Variants in ADAMTS16 observed in about 807,000 individuals in gnomAD.
ADAMTS16 encodes A disintegrin and metalloproteinase with thrombospondin motifs 16.
In ADAMTS16, 94 loss-of-function variants were observed where a neutral mutation model predicts 145.8. That is an observed-to-expected ratio of 0.64 (90% CI 0.55 to 0.77). ADAMTS16 has a LOEUF of 0.77. ADAMTS16 is among the 30% of genes least tolerant of loss of function. The pLI, the probability that ADAMTS16 is intolerant of heterozygous loss-of-function variation, is 0.00. For synonymous variants in ADAMTS16, 659 were observed against 604.3 expected (o/e 1.09, Z -1.33); for missense variants, 1,585 against 1,591.5 (o/e 1.00, Z 0.07).
chr5:5,176,406 T>C (rs942789358), intron 3 of ADAMTS16, among the ~76,000 whole-genome samples: 1 of 152,220 alleles, frequency 6.6e-6, no homozygotes, highest in Admixed American at 6.5e-5. Flanking sequence ...ATCTAAGCTC[T>C]AATCAAAAAT....
chr5:5,245,331 AG>A (rs1737407875), intron 17 of ADAMTS16, among the ~76,000 whole-genome samples: 1 of 152,152 alleles, frequency 6.6e-6, no homozygotes, highest in African/African-American at 2.4e-5. Context: ...TCTCATTCTC[AG>A]TTTTTCAATT....
Position 5,299,361 on chromosome 5 carries a change from G to A in ADAMTS16, c.2790-3907G>A, listed in dbSNP as rs927615720. Among the ~76,000 whole-genome samples, 4 of 149,922 alleles carry A rather than the reference G, an allele frequency of 2.7e-5. 1 individual carries two copies. Among genetic ancestry groups the A allele is most frequent in the East Asian group, 1.9e-4 (1 of 5,162 alleles). On this transcript the variant is annotated intron_variant, in intron 18 of 22. Transcript: ENST00000274181. The stretch of plus-strand genomic sequence containing the variant: ...GGCTTGGCCCTAGGCAGCAGCTCGG[G>A]CCCAGACCAGGGCTGGCCTCTGCAT...
Position 5,310,019 on chromosome 5 carries a change from A to AGAATTTTG in ADAMTS16, c.3411+3291_3411+3292insGAATTTTG, listed in dbSNP as rs1478592749. Among the ~76,000 whole-genome samples the AGAATTTTG allele has an allele frequency of 1.4e-4, 22 of 152,070 alleles. No homozygotes were observed. Among genetic ancestry groups the AGAATTTTG allele is most frequent in the Non-Finnish European group, 2.9e-4 (20 of 68,024 alleles). ...AAGGATTGAAGAATTCCTGAGACTG[A>AGAATTTTG]CCTGCCAGTGGGGCAAAACCCACCA... On this transcript the variant is annotated intron_variant, in intron 21 of 22. Transcript: ENST00000274181. The surrounding 1 kb of genome is among the most constrained non-coding windows in gnomAD (Gnocchi z 4.3).
chr5:5,235,052 G>T lies in ADAMTS16; in HGVS notation c.1889G>T (p.Arg630Leu), dbSNP rs377507889. The T allele has an allele frequency of 1.3e-6, 2 of 1,595,894 alleles. No homozygotes were observed. Among genetic ancestry groups the T allele is most frequent in the Admixed American group, 1.7e-5 (1 of 59,580 alleles). Residue 630 changes from arginine to leucine, a missense_variant, in exon 13 of 23, where the codon CGC becomes CTC. By Grantham distance (102) the Arg-to-Leu change is moderately radical. This residue lies in a region of ADAMTS16 where 834 missense variants were observed against 811.7 expected (regional missense o/e 1.03). Transcript: ENST00000274181. ...HGGKFCEGSTRTLKLCNSQKC... is the reference protein window; with the variant it reads ...HGGKFCEGSTLTLKLCNSQKC... ...GGGAAGTTCTGTGAGGGCTCCACTC[G>T]CACTCTGAAGCTCTGCAACAGTCAG... is the stretch of plus-strand genomic sequence containing the variant.
At chr5:5,229,273 C>G (rs1394380516) in intron 11 of ADAMTS16, among the ~76,000 whole-genome samples, 1 of 137,900 alleles carries the variant, frequency 7.3e-6, no homozygotes, top group Non-Finnish European at 1.5e-5. Context: ...AGTCCGCAGT[C>G]CGGCCTGGGC....
intron 11 of ADAMTS16, among the ~76,000 whole-genome samples, chr5:5,228,765 C>G (rs962282158): frequency 6.6e-6 from 1 of 152,158 alleles, no homozygotes; most frequent in South Asian, 2.1e-4. Flanking sequence ...AAAATTTATT[C>G]AAGACCCGTG....
chr5:5,227,093 C>G (rs10512773), intron 11 of ADAMTS16, among the ~76,000 whole-genome samples: 19,287 of 152,328 alleles, frequency 0.13, 1,231 homozygotes, highest in East Asian at 0.17. Flanking sequence ...CTGGTAGTTT[C>G]TATCATCGCT....
chr5:5,231,380 C>A (rs1736917835), intron 11 of ADAMTS16, among the ~76,000 whole-genome samples: 1 of 152,108 alleles, frequency 6.6e-6, no homozygotes, highest in Admixed American at 6.5e-5. Flanking sequence ...ATATGTGTTA[C>A]CCTAATACCT....
chr5:5,213,747 G>C (rs547753568), intron 10 of ADAMTS16, among the ~76,000 whole-genome samples: 1 of 152,196 alleles, frequency 6.6e-6, no homozygotes, highest in South Asian at 2.1e-4. Flanking sequence ...TCTCTACTCT[G>C]TGTGAGCCAA....
intron 18 of ADAMTS16, among the ~76,000 whole-genome samples, chr5:5,288,143 T>C (rs1447578684): frequency 6.6e-6 from 1 of 152,096 alleles, no homozygotes; most frequent in African/African-American, 2.4e-5. Context: ...AGGGTTCACG[T>C]CTGTAATAGA....
intron 14 of ADAMTS16, among the ~76,000 whole-genome samples, 183 bp downstream of exon 14, chr5:5,237,282 G>T (rs1737137107): frequency 6.6e-6 from 1 of 152,204 alleles, no homozygotes; most frequent in Non-Finnish European, 1.5e-5. Context: ...GTGGAAGTGT[G>T]TGCAGAGCAT....
chr5:5,205,874 A>G (rs1181314013), intron 9 of ADAMTS16, among the ~76,000 whole-genome samples: 1 of 152,160 alleles, frequency 6.6e-6, no homozygotes, highest in Non-Finnish European at 1.5e-5. Flanking sequence ...TCTTTTACAA[A>G]TATATTCTCC....
In ADAMTS16 at chr5:5,305,013, CCACA is replaced by C. The variant is rs746640387; in HGVS notation, c.3186+1262_3186+1265del. 8.4e-5 allele frequency among the ~76,000 whole-genome samples: 6 copies of C among 71,702 alleles called. 1 individual carries two copies. Among genetic ancestry groups the C allele is most frequent in the Non-Finnish European group, 8.9e-5 (3 of 33,798 alleles). The allele number at this position is 71,702 out of a possible 152,430, so 47.0% of individuals were successfully genotyped here. A position where few individuals can be genotyped will look rare whatever the true frequency, so the allele number is the denominator to read the frequency against. Reference sequence around the variant, plus strand: ...ACCACACACACACACACATCCCACACCACACACACACACACACATCCATCCCACA... The same window carrying C: ...ACCACACACACACACACATCCCACACCACACACACACACATCCATCCCACA... On this transcript the variant is annotated intron_variant, in intron 20 of 22. Coordinates refer to ENST00000274181, the MANE Select transcript of ADAMTS16 (RefSeq NM_139056.4).
intron 18 of ADAMTS16, among the ~76,000 whole-genome samples, chr5:5,275,690 G>C (rs1163939537): frequency 6.6e-6 from 1 of 152,002 alleles, no homozygotes; most frequent in Non-Finnish European, 1.5e-5. Flanking sequence ...TCCAATTTAT[G>C]ATTTATTTTG....
intron 21 of ADAMTS16, among the ~76,000 whole-genome samples, chr5:5,312,807 G>A (rs904796615): frequency 2.6e-5 from 4 of 152,112 alleles, no homozygotes; most frequent in Non-Finnish European, 4.4e-5. Flanking sequence ...GTCAGGTAAA[G>A]CAGCAAGTGA....
chr5:5,285,921 C>T (rs1441365953), intron 18 of ADAMTS16, among the ~76,000 whole-genome samples: 2 of 152,180 alleles, frequency 1.3e-5, no homozygotes, highest in African/African-American at 4.8e-5. Flanking sequence ...TTGAATTTCC[C>T]CAGTGCTTTC....
chr5:5,174,639 T>G (rs970998467), intron 3 of ADAMTS16, among the ~76,000 whole-genome samples: 1 of 152,194 alleles, frequency 6.6e-6, no homozygotes, highest in African/African-American at 2.4e-5. Flanking sequence ...TCTTTTTTAT[T>G]CTTTTATTTT....
intron 9 of ADAMTS16, among the ~76,000 whole-genome samples, chr5:5,208,385 C>CA (rs1331689813): frequency 6.6e-6 from 1 of 152,134 alleles, no homozygotes; most frequent in African/African-American, 2.4e-5. Flanking sequence ...TTTGAAAACA[C>CA]AAAAATGTTT....
Position 5,187,867 on chromosome 5 carries a change from A to G in ADAMTS16, c.1047+59A>G, listed in dbSNP as rs531176405. 3.7e-5 allele frequency: 44 copies of G among 1,202,490 alleles called. No individual in the cohort carries two copies. The East Asian group carries it at 1.0e-3, about 28-fold the overall frequency. 74.5% of individuals were successfully genotyped at this position (1,202,490 alleles called of 1,614,324 possible). On this transcript the variant is annotated intron_variant, in intron 6 of 22. Coordinates refer to ENST00000274181, the MANE Select transcript of ADAMTS16 (RefSeq NM_139056.4). ...TTCCTAGAAAAATAAATGCAAAATAATGCTTTTTTCTTTAATATAATTGTT... is the reference window on the plus strand; with the variant it reads ...TTCCTAGAAAAATAAATGCAAAATAGTGCTTTTTTCTTTAATATAATTGTT...
Sources: allele counts gnomAD v4.1 joint callset (sites outside exome capture counted in the v4.1 genomes callset), GRCh38; gene constraint gnomAD v4.1.1; regional missense constraint gnomAD v4.1.1; non-coding constraint Gnocchi (gnomAD v3.1); transcripts MANE v1.5; gene names NCBI Gene and HGNC (gene_info 2026-07-23, HGNC 2026-07-21).